The following FOCAD variants were observed in gnomAD, a reference collection of about 807,000 sequenced individuals.
FOCAD encodes focadhesin, also known as KIAA1797.
In FOCAD, 198 loss-of-function variants were observed where a neutral mutation model predicts 225.6. The ratio of observed to expected loss-of-function variants is 0.88; its 90% CI spans 0.78 to 0.99. The LOEUF (loss-of-function observed/expected upper bound fraction) is 0.99, where lower values mean the gene tolerates loss of function less well. Among genes scored for constraint, FOCAD ranks in the 50% least tolerant of loss-of-function variants. The pLI, the probability that FOCAD is intolerant of heterozygous loss-of-function variation, is 0.00. For synonymous variants in FOCAD, 897 were observed against 755.0 expected (o/e 1.19, Z -3.08); for missense variants, 2,713 against 2,123.6 (o/e 1.28, Z -5.46).
intron 1 of FOCAD, among the ~76,000 whole-genome samples, chr9:20,714,979 T>G (rs1249094321): frequency 6.6e-6 from 1 of 152,210 alleles, no homozygotes; most frequent in Non-Finnish European, 1.5e-5. Flanking sequence ...TCTTTCTCCC[T>G]TATAAGTTTT....
chr9:20,993,376 G>A (rs1841827854), intron 43 of FOCAD, 48 bp downstream of exon 43: 6 of 1,474,232 alleles, frequency 4.1e-6, no homozygotes, highest in Non-Finnish European at 5.7e-6. Flanking sequence ...AACCATTATT[G>A]TTGTCTGTGG....
chr9:20,825,873 A>G (rs1824836975), intron 15 of FOCAD, among the ~76,000 whole-genome samples: 2 of 152,066 alleles, frequency 1.3e-5, no homozygotes. Flanking sequence ...TGTTTTCAAT[A>G]TGGGTTTCTT....
chr9:20,823,216 A>C (rs1286549131), intron 15 of FOCAD, 101 bp downstream of exon 15: 9 of 1,286,852 alleles, frequency 7.0e-6, no homozygotes, highest in South Asian at 1.5e-5. Context: ...CTGAAGTCTG[A>C]GTGTTCATTC....
At chr9:20,919,261 C>T (rs192953412) in intron 24 of FOCAD, among the ~76,000 whole-genome samples, 103 of 152,186 alleles carry the variant, frequency 6.8e-4, no homozygotes, top group South Asian at 2.1e-3. Flanking sequence ...TTACAAGGGA[C>T]GTGAAGGACC....
chr9:20,710,657 T>A (rs1824774271), intron 1 of FOCAD, among the ~76,000 whole-genome samples: 2 of 152,122 alleles, frequency 1.3e-5, no homozygotes, highest in South Asian at 4.1e-4. Context: ...ATATTGCATA[T>A]TATATCACTC....
At chr9:20,974,789 T>C (rs1177930463) in intron 35 of FOCAD, among the ~76,000 whole-genome samples, 1 of 151,588 alleles carries the variant, frequency 6.6e-6, no homozygotes, top group Non-Finnish European at 1.5e-5. Flanking sequence ...TAATTTGGCC[T>C]CTGCTTCTCC....
rs796505198 is a variant in FOCAD, at chr9:20,776,772, A to C, written c.907-1909A>C. Among the ~76,000 whole-genome samples, 11 of 152,362 alleles carry C rather than the reference A, an allele frequency of 7.2e-5. 1 individual carries two copies. Among genetic ancestry groups the C allele is most frequent in the African/African-American group, 2.6e-4 (11 of 41,584 alleles). ...CTTTCCAATAATAGCATTACTATAC[A>C]GCAGTGCTTTTCTTTGTTGTTGATC... On this transcript the variant is annotated intron_variant, in intron 8 of 43. Coordinates refer to ENST00000338382, the MANE Select transcript of FOCAD (RefSeq NM_001375567.1).
chr9:20,923,619 A>G lies in FOCAD; in HGVS notation c.2853-41A>G, dbSNP rs7044447. 469,443 of 1,507,854 alleles carry G rather than the reference A, an allele frequency of 0.31. 75,054 individuals carry two copies. Among genetic ancestry groups the G allele is most frequent in the East Asian group, 0.45 (19,954 of 44,068 alleles). 93.4% of individuals were successfully genotyped at this position (1,507,854 alleles called of 1,614,324 possible). Reference sequence around the variant, plus strand: ...TTAGCTCTTTCTCTTCTTCTGGTTAATACCAAAGTTCTCTGTTGAAATTTT... The same window carrying G: ...TTAGCTCTTTCTCTTCTTCTGGTTAGTACCAAAGTTCTCTGTTGAAATTTT... On this transcript the variant is annotated intron_variant, in intron 24 of 43. Transcript: ENST00000338382.
At chr9:20,751,315 C>G (rs1206993329) in intron 5 of FOCAD, among the ~76,000 whole-genome samples, 3 of 120,056 alleles carry the variant, frequency 2.5e-5, no homozygotes, top group Non-Finnish European at 3.4e-5. Context: ...CCCCCCTCCC[C>G]CCACCCCACA....
chr9:20,975,863 A>G (rs1040340653), intron 35 of FOCAD, among the ~76,000 whole-genome samples: 6 of 152,186 alleles, frequency 3.9e-5, no homozygotes, highest in Admixed American at 2.6e-4. Context: ...TTGATCTTAT[A>G]TAGAGGTAGA....
chr9:20,881,868 T>A lies in FOCAD; in HGVS notation c.2318-3T>A. On this transcript the variant is annotated splice_region_variant and splice_polypyrimidine_tract_variant and intron_variant, in intron 19 of 43. Transcript: ENST00000338382. ...CTTTTGGTCTCCTTTTATCCTCTTT[T>A]AGCTTTGGAGGAATTTTTTACATCA... 1.2e-6 allele frequency: 2 copies of A among 1,612,160 alleles called. No homozygotes were observed. Among genetic ancestry groups the A allele is most frequent in the Non-Finnish European group, 1.7e-6 (2 of 1,179,402 alleles).
At chr9:20,879,942 C>T (rs1247789479) in intron 19 of FOCAD, among the ~76,000 whole-genome samples, 2 of 152,174 alleles carry the variant, frequency 1.3e-5, no homozygotes, top group Non-Finnish European at 2.9e-5. Context: ...TAGGATCCTT[C>T]TGAGAAAGGA....
At chr9:20,757,007 G>C (rs981364864) in intron 5 of FOCAD, among the ~76,000 whole-genome samples, 9 of 152,026 alleles carry the variant, frequency 5.9e-5, no homozygotes, top group Admixed American at 1.3e-4. Flanking sequence ...TCAGTTCACC[G>C]CAACCTCCGC....
rs567126152 is a variant in FOCAD at position 20,848,335 on chromosome 9, G to A, written c.1921-14243G>A. On this transcript the variant is annotated intron_variant, in intron 15 of 43. Transcript: ENST00000338382. ...CTAAGCATGCATTCCCTCCTTCTGG[G>A]TCTGGGTCAGGACCCTCTCTGGAAT... Among the ~76,000 whole-genome samples the A allele has an allele frequency of 3.9e-5, 6 of 152,194 alleles. No individual in the cohort carries two copies. In the East Asian group the frequency reaches 1.2e-3, roughly 29 times the overall value.
intron 14 of FOCAD, 97 bp from the exon 15 acceptor site, chr9:20,822,892 A>G (rs1824477207): frequency 3.4e-6 from 4 of 1,190,736 alleles, no homozygotes; most frequent in Non-Finnish European, 4.5e-6. Context: ...GCACAAGAGT[A>G]TAGAAAATGA....
intron 7 of FOCAD, among the ~76,000 whole-genome samples, chr9:20,767,911 C>A (rs1830197311): frequency 6.6e-6 from 1 of 152,030 alleles, no homozygotes; most frequent in African/African-American, 2.4e-5. Context: ...ATGCCTATGT[C>A]CTGAATGGTG....
intron 27 of FOCAD, among the ~76,000 whole-genome samples, chr9:20,930,220 A>G (rs961023374): frequency 1.1e-4 from 16 of 152,230 alleles, no homozygotes; most frequent in African/African-American, 3.6e-4. Context: ...AGCTAATGGA[A>G]TAGACTCAGG....
At position 20,820,937 on chromosome 9, in the gene FOCAD, G is replaced by A. The variant is rs143047027; in HGVS notation, c.1663-4G>A. 6.8e-6 allele frequency: 11 copies of A among 1,608,254 alleles called. No homozygotes were observed. The African/African-American group carries it at 8.1e-5, about 12-fold the overall frequency. On this transcript the variant is annotated splice_polypyrimidine_tract_variant and splice_region_variant and intron_variant, in intron 13 of 43. Transcript: ENST00000338382. The stretch of plus-strand genomic sequence containing the variant: ...CTACCTTTTTTGTAAAATTGCCTTC[G>A]TAGGACCGAGTCTATCCTGAACTGC...
chr9:20,978,578 G>C, intron 37 of FOCAD, 124 bp downstream of exon 37: 1 of 572,750 alleles, frequency 1.7e-6, no homozygotes. Flanking sequence ...CAAAAATCGA[G>C]GGTTTGATAG....
Sources: allele counts gnomAD v4.1 joint callset (sites outside exome capture counted in the v4.1 genomes callset), GRCh38; gene constraint gnomAD v4.1.1; transcripts MANE v1.5; gene names NCBI Gene and HGNC (gene_info 2026-07-23, HGNC 2026-07-21).